The following OSBPL10 variants were observed in gnomAD, a reference collection of about 807,000 sequenced individuals.
The protein encoded by OSBPL10 is oxysterol binding protein like 10.
A neutral mutation model predicts 81.7 loss-of-function variants in OSBPL10; 49 were observed. The observed-to-expected ratio is 0.60, with a 90% CI of 0.48 to 0.76. The LOEUF (loss-of-function observed/expected upper bound fraction) is 0.76, where lower values mean the gene tolerates loss of function less well. Among genes scored for constraint, OSBPL10 ranks in the 30% least tolerant of loss-of-function variants. The pLI is 0.00. For synonymous variants in OSBPL10, 419 were observed against 383.6 expected (o/e 1.09, Z -1.08); for missense variants, 923 against 987.8 (o/e 0.93, Z 0.88).
chr3:31,981,956 C>CA (rs1698858897), upstream of OSBPL10: 1 of 151,860 alleles, frequency 6.6e-6, no homozygotes. The surrounding 1 kb of genome is among the most constrained non-coding windows in gnomAD (Gnocchi z 4.5). Context: ...GCTTAACAGA[C>CA]ACACGGCTGG....
At chr3:31,698,025 G>C (rs892046720) in intron 7 of OSBPL10, among the ~76,000 whole-genome samples, 3 of 151,592 alleles carry the variant, frequency 2.0e-5, no homozygotes, top group African/African-American at 7.3e-5. Context: ...GCCTCCCAAA[G>C]TACTGGGATT....
chr3:31,733,092 T>A, intron 6 of OSBPL10, 165 bp downstream of exon 6: 1 of 855,060 alleles, frequency 1.2e-6, no homozygotes, highest in Non-Finnish European at 1.8e-6. Context: ...ACATGAGAAG[T>A]GCCGGGCATG....
At chr3:31,732,335 C>G (rs750316277) in intron 6 of OSBPL10, among the ~76,000 whole-genome samples, 16 of 152,176 alleles carry the variant, frequency 1.1e-4, no homozygotes, top group African/African-American at 3.9e-4. Context: ...TAATCCTATG[C>G]TGCTTGGAGA....
intron 4 of OSBPL10, among the ~76,000 whole-genome samples, chr3:31,766,350 T>A (rs1197775696): frequency 1.2e-5 from 1 of 86,496 alleles, no homozygotes; most frequent in African/African-American, 3.2e-5. Context: ...TTTTTTTGTT[T>A]TTTTTTTGAG....
chr3:31,835,380 G>A (rs1700338849), intron 3 of OSBPL10, among the ~76,000 whole-genome samples: 1 of 121,232 alleles, frequency 8.2e-6, no homozygotes, highest in Non-Finnish European at 1.9e-5. Context: ...AAGATCAGCT[G>A]GTCCTCAAAA....
At chr3:31,699,315 G>A (rs1333031320) in intron 7 of OSBPL10, among the ~76,000 whole-genome samples, 2 of 152,068 alleles carry the variant, frequency 1.3e-5, no homozygotes, top group Non-Finnish European at 2.9e-5. Context: ...TGATCCTAAC[G>A]TCCACTCCAG....
chr3:31,771,513 T>C (rs370744692), intron 4 of OSBPL10, among the ~76,000 whole-genome samples: 2 of 152,248 alleles, frequency 1.3e-5, no homozygotes, highest in East Asian at 1.9e-4. Flanking sequence ...TAGGATTAAA[T>C]GAGTTTTATT....
At chr3:32,059,733 C>T (rs1200773122) in intron 1 of OSBPL10, among the ~76,000 whole-genome samples, 1 of 151,854 alleles carries the variant, frequency 6.6e-6, no homozygotes, top group East Asian at 1.9e-4. Flanking sequence ...GCCTGGGCAA[C>T]ACAGTGAGAT....
At chr3:31,907,619 C>CAAAAAAAAAAAAAAAAA (rs142840420) in intron 1 of OSBPL10, among the ~76,000 whole-genome samples, 3 of 63,872 alleles carry the variant, frequency 4.7e-5, no homozygotes, top group African/African-American at 2.1e-4. Context: ...ACCTCCATCT[C>CAAAAAAAAAAAAAAAAA]AAAAAAAAAA....
intron 2 of OSBPL10, among the ~76,000 whole-genome samples, chr3:31,996,478 C>A (rs1027113029): frequency 2.8e-5 from 4 of 144,954 alleles, no homozygotes; most frequent in African/African-American, 1.1e-4. Flanking sequence ...GATCTGAAGT[C>A]TTTTTAAATA....
chr3:31,774,175 A>G (rs989715214), intron 4 of OSBPL10, among the ~76,000 whole-genome samples: 1 of 146,764 alleles, frequency 6.8e-6, no homozygotes. Context: ...AAAAAAAAAA[A>G]AAAAGAAAGA....
intron 8 of OSBPL10, among the ~76,000 whole-genome samples, chr3:31,673,694 C>T (rs896562512): frequency 1.3e-5 from 2 of 152,182 alleles, no homozygotes; most frequent in African/African-American, 2.4e-5. Flanking sequence ...ACAATGGTGC[C>T]AAAGCAGTAA....
intron 3 of OSBPL10, among the ~76,000 whole-genome samples, chr3:31,855,127 G>A (rs1700877270): frequency 6.6e-6 from 1 of 152,168 alleles, no homozygotes; most frequent in African/African-American, 2.4e-5. Flanking sequence ...TCGGACTCAA[G>A]GTATCCTTCC....
chr3:31,785,554 G>T (rs1167605635), intron 4 of OSBPL10, among the ~76,000 whole-genome samples: 1 of 152,128 alleles, frequency 6.6e-6, no homozygotes, highest in Non-Finnish European at 1.5e-5. Context: ...AATGGAAGGG[G>T]TTTTGGACTG....
intron 2 of OSBPL10, among the ~76,000 whole-genome samples, chr3:32,024,107 G>A (rs1224684077): frequency 2.0e-5 from 3 of 152,092 alleles, no homozygotes; most frequent in Non-Finnish European, 4.4e-5. Context: ...GATTACTGTC[G>A]TTTTAATGGT....
chr3:31,794,518 C>A, intron 4 of OSBPL10: 1 of 310,502 alleles, frequency 3.2e-6, no homozygotes, highest in Non-Finnish European at 6.5e-6. Flanking sequence ...CACTGTGACC[C>A]TTGCAGACAT....
In OSBPL10 at chr3:31,667,541, G is replaced by A. The variant is rs376208690; in HGVS notation, c.2096+1101C>T. On this transcript the variant is annotated intron_variant, in intron 10 of 11. Coordinates refer to ENST00000396556, the MANE Select transcript of OSBPL10 (RefSeq NM_017784.5). ...TGTTTCTATTTGGTTACAAACTCTTGTAGTAATAGTAAAGCTTTCATAAAA... is the reference window on the plus strand; with the variant it reads ...TGTTTCTATTTGGTTACAAACTCTTATAGTAATAGTAAAGCTTTCATAAAA... Among the ~76,000 whole-genome samples the A allele has an allele frequency of 2.0e-5, 3 of 152,314 alleles. No homozygotes were observed. The East Asian group carries it at 5.8e-4, about 29-fold the overall frequency.
chr3:31,754,881 A>T (rs552533133), intron 4 of OSBPL10, among the ~76,000 whole-genome samples: 1 of 151,774 alleles, frequency 6.6e-6, no homozygotes, highest in African/African-American at 2.4e-5. Flanking sequence ...ATGATTTTCA[A>T]CTCTACCCTA....
chr3:32,072,005 A>G (rs1253515170), intron 1 of OSBPL10, among the ~76,000 whole-genome samples: 1 of 152,078 alleles, frequency 6.6e-6, no homozygotes. Context: ...TATCTTCCAC[A>G]TCTATCATTG....
Sources: gnomAD v4.1 joint callset for allele counts (sites outside exome capture counted in the v4.1 genomes callset) on GRCh38, gnomAD v4.1.1 for gene constraint, Gnocchi (gnomAD v3.1) non-coding constraint, MANE v1.5 for transcripts, NCBI Gene and HGNC (gene_info 2026-07-23, HGNC 2026-07-21) for gene names.